RFPL1: variants seen among roughly 807,000 people sequenced by gnomAD.
The protein encoded by RFPL1 is ret finger protein-like 1.
A neutral mutation model predicts 9.6 loss-of-function variants in RFPL1; 6 were observed. The ratio of observed to expected loss-of-function variants is 0.62; its 90% CI spans 0.34 to 1.23. The LOEUF (loss-of-function observed/expected upper bound fraction) is 1.23. Among genes scored for constraint, RFPL1 ranks in the 50% most tolerant of loss-of-function variants. The probability of loss-of-function intolerance (pLI) is 0.03; values close to 1 mark genes in which losing one functional copy is unlikely to be tolerated. For synonymous variants in RFPL1, 145 were observed against 149.4 expected (o/e 0.97, Z 0.22); for missense variants, 352 against 398.4 (o/e 0.88, Z 0.99).
At chr22:29,415,449 G>A in the RFPL1 span, among the ~76,000 whole-genome samples, 5 of 152,202 alleles carry the variant, frequency 3.3e-5, no homozygotes, top group Non-Finnish European at 4.4e-5. Context: ...CTGCTCTGAC[G>A]AGGCATTGCA....
chr22:29,440,490 C>T (rs1271908684), intron 1 of RFPL1: 1 of 152,206 alleles, frequency 6.6e-6, no homozygotes, highest in African/African-American at 2.4e-5. Context: ...CTATCAACCA[C>T]ATACCCAATG....
the RFPL1 span, among the ~76,000 whole-genome samples, chr22:29,416,075 T>G: frequency 6.6e-6 from 1 of 152,134 alleles, no homozygotes; most frequent in East Asian, 1.9e-4. Flanking sequence ...AACCCTATAA[T>G]GTAGAGAATC....
the RFPL1 span, among the ~76,000 whole-genome samples, chr22:29,418,355 G>T: frequency 6.6e-6 from 1 of 152,154 alleles, no homozygotes; most frequent in Non-Finnish European, 1.5e-5. Flanking sequence ...GATAGAGGCT[G>T]CACACCGGTG....
At chr22:29,393,440 A>C in the RFPL1 span, among the ~76,000 whole-genome samples, 8 of 152,258 alleles carry the variant, frequency 5.3e-5, no homozygotes, top group Admixed American at 2.6e-4. Context: ...TACAGCTTGC[A>C]GAGGTGGGTG....
exon 1 of RFPL1, chr22:29,438,953 G>C: frequency 6.2e-7 from 1 of 1,614,004 alleles, no homozygotes; most frequent in African/African-American, 1.3e-5. Context: ...TGTCCCTGGA[G>C]TGTGGATGCG....
At chr22:29,399,559 A>G in the RFPL1 span, among the ~76,000 whole-genome samples, 1 of 152,252 alleles carries the variant, frequency 6.6e-6, no homozygotes, top group Non-Finnish European at 1.5e-5. Flanking sequence ...ACTGAACTTT[A>G]TCGGGTCTTT....
the RFPL1 span, among the ~76,000 whole-genome samples, chr22:29,408,614 C>A: frequency 6.6e-6 from 1 of 151,958 alleles, no homozygotes; most frequent in Non-Finnish European, 1.5e-5. Flanking sequence ...TTTGTTTTTT[C>A]TGGGGCTTCT....
chr22:29,410,323 TA>T, the RFPL1 span, among the ~76,000 whole-genome samples: 1,337 of 99,428 alleles, frequency 0.013, 83 homozygotes, highest in East Asian at 0.044. Context: ...TAGATATATA[TA>T]TGTAGATATA....
chr22:29,411,700 T>C, the RFPL1 span, among the ~76,000 whole-genome samples: 1 of 152,178 alleles, frequency 6.6e-6, no homozygotes, highest in Non-Finnish European at 1.5e-5. Context: ...AAGACATGCC[T>C]AGAAGTCGGA....
exon 1 of RFPL1, chr22:29,439,153 G>T: frequency 6.2e-7 from 1 of 1,613,928 alleles, no homozygotes; most frequent in Non-Finnish European, 8.5e-7. Flanking sequence ...CCAAGGATGC[G>T]GAAGTTCCAA....
intron 1 of RFPL1, chr22:29,441,242 G>T: frequency 2.5e-6 from 1 of 407,312 alleles, no homozygotes. Flanking sequence ...GTGGTAGAAA[G>T]GGGGTCATGG....
At chr22:29,430,405 T>C in the RFPL1 span, among the ~76,000 whole-genome samples, 3 of 152,210 alleles carry the variant, frequency 2.0e-5, no homozygotes, top group Non-Finnish European at 4.4e-5. Flanking sequence ...CATTTGTTTA[T>C]AAATGTATAT....
the RFPL1 span, among the ~76,000 whole-genome samples, chr22:29,398,947 C>T: frequency 6.6e-6 from 1 of 152,198 alleles, no homozygotes; most frequent in African/African-American, 2.4e-5. Context: ...TGTCTCTTGA[C>T]TCCCTTACTA....
At chr22:29,388,437 T>C in the RFPL1 span, 1 of 152,364 alleles carries the variant, frequency 6.6e-6, no homozygotes, top group African/African-American at 2.4e-5. Context: ...CAGGTCCCAA[T>C]AGCTCCCGGC....
chr22:29,433,250 C>G, the RFPL1 span: 2 of 148,562 alleles, frequency 1.3e-5, no homozygotes, highest in South Asian at 4.2e-4. Context: ...AAGATGGCAC[C>G]ACAGCACTCC....
chr22:29,408,657 A>C, the RFPL1 span, among the ~76,000 whole-genome samples: 2 of 152,268 alleles, frequency 1.3e-5, no homozygotes, highest in South Asian at 4.1e-4. Flanking sequence ...TTTGACTGCC[A>C]TCATGATTCA....
the RFPL1 span, among the ~76,000 whole-genome samples, chr22:29,416,788 C>T: frequency 6.6e-6 from 1 of 152,162 alleles, no homozygotes; most frequent in Non-Finnish European, 1.5e-5. Flanking sequence ...AGGGGATGAT[C>T]CCCATTTCAG....
chr22:29,440,312 C>T (rs2062831912), intron 1 of RFPL1: 2 of 152,210 alleles, frequency 1.3e-5, no homozygotes, highest in Non-Finnish European at 2.9e-5. Flanking sequence ...AAACAGCAAT[C>T]AGTCTCCTCA....
chr22:29,428,475 A>G, the RFPL1 span, among the ~76,000 whole-genome samples: 1 of 152,234 alleles, frequency 6.6e-6, no homozygotes, highest in East Asian at 1.9e-4. Flanking sequence ...AAAGTAATGT[A>G]AAATAAGTCA....
Sources: gnomAD v4.1 joint callset for allele counts (sites outside exome capture counted in the v4.1 genomes callset) on GRCh38, gnomAD v4.1.1 for gene constraint, MANE v1.5 for transcripts, NCBI Gene and HGNC (gene_info 2026-07-23, HGNC 2026-07-21) for gene names.